MACROD2: variants seen among roughly 807,000 people sequenced by gnomAD.
MACROD2 encodes the protein mono-ADP ribosylhydrolase 2, also known as ADP-ribose glycohydrolase MACROD2.
In MACROD2, 36 loss-of-function variants were observed where a neutral mutation model predicts 70.4. The observed-to-expected ratio is 0.51, with a 90% CI of 0.39 to 0.68. The LOEUF is 0.68. MACROD2 is among the 30% of genes least tolerant of loss of function. MACROD2 has a pLI of 0.00. For missense variants in MACROD2, 496 were observed against 538.4 expected, an observed-to-expected ratio of 0.92 and a Z score of 0.78; for synonymous variants, 172 against 178.8, an observed-to-expected ratio of 0.96 and a Z score of 0.30.
At chr20:15,756,658 A>C (rs2051352433) in intron 8 of MACROD2, among the ~76,000 whole-genome samples, 1 of 152,190 alleles carries the variant, frequency 6.6e-6, no homozygotes, top group South Asian at 2.1e-4. Flanking sequence ...ATAACCAACA[A>C]CACCTGCTCC....
At chr20:15,854,980 TA>T (rs1418885337) in intron 8 of MACROD2, among the ~76,000 whole-genome samples, 2 of 152,238 alleles carry the variant, frequency 1.3e-5, no homozygotes, top group African/African-American at 4.8e-5. Flanking sequence ...GGCTGGGACT[TA>T]AGCCCAGCTG....
chr20:14,779,961 G>C (rs936664092), intron 5 of MACROD2, among the ~76,000 whole-genome samples: 1 of 152,102 alleles, frequency 6.6e-6, no homozygotes, highest in African/African-American at 2.4e-5. Flanking sequence ...GAGGATCTAA[G>C]TGAGTCCTCA....
At chr20:14,690,000 T>C (rs2071044107) in intron 5 of MACROD2, among the ~76,000 whole-genome samples, 1 of 144,634 alleles carries the variant, frequency 6.9e-6, no homozygotes, top group African/African-American at 2.5e-5. Context: ...ATTGTGTTTT[T>C]AAAAAACATA....
At chr20:14,579,838 T>G (rs1568681778) in intron 4 of MACROD2, among the ~76,000 whole-genome samples, 1 of 152,188 alleles carries the variant, frequency 6.6e-6, no homozygotes, top group Non-Finnish European at 1.5e-5. Context: ...GTATTGTTGA[T>G]TTAAGCTTGT....
chr20:14,472,550 T>G (rs1468166243), intron 3 of MACROD2, among the ~76,000 whole-genome samples: 3 of 152,206 alleles, frequency 2.0e-5, no homozygotes, highest in Non-Finnish European at 4.4e-5. Flanking sequence ...TAATCACTTT[T>G]CTTGGTAAGT....
intron 3 of MACROD2, among the ~76,000 whole-genome samples, chr20:14,454,747 CTCT>C (rs2084281031): frequency 2.2e-5 from 3 of 134,692 alleles, no homozygotes; most frequent in African/African-American, 5.6e-5. Flanking sequence ...TGTCTCTACA[CTCT>C]TTTTTTTTTT....
chr20:15,318,563 G>T (rs2077839585), intron 6 of MACROD2, among the ~76,000 whole-genome samples: 1 of 151,992 alleles, frequency 6.6e-6, no homozygotes, highest in Admixed American at 6.6e-5. Flanking sequence ...TATAGATGAA[G>T]AAATCCTCAA....
At chr20:14,280,209 T>C (rs566375323) in intron 3 of MACROD2, among the ~76,000 whole-genome samples, 144 of 152,200 alleles carry the variant, frequency 9.5e-4, no homozygotes, top group African/African-American at 3.3e-3. Flanking sequence ...TTTTTAAAAT[T>C]TGGAGAAATT....
At chr20:15,162,015 G>A (rs1004442251) in intron 5 of MACROD2, among the ~76,000 whole-genome samples, 4 of 149,500 alleles carry the variant, frequency 2.7e-5, no homozygotes, top group Admixed American at 2.0e-4. Context: ...ATGGCTTAAT[G>A]GGGTTAATTA....
intron 3 of MACROD2, among the ~76,000 whole-genome samples, chr20:14,299,049 G>A (rs912576089): frequency 2.0e-5 from 3 of 152,178 alleles, no homozygotes; most frequent in East Asian, 3.9e-4. Context: ...TAAAACAGTC[G>A]CAGGGTTTGA....
intron 3 of MACROD2, among the ~76,000 whole-genome samples, chr20:14,360,135 A>G (rs1337675446): frequency 1.3e-5 from 2 of 152,130 alleles, no homozygotes; most frequent in East Asian, 3.9e-4. Context: ...GCTGGGGGCT[A>G]GGTTGGTTCA....
intron 5 of MACROD2, among the ~76,000 whole-genome samples, chr20:14,829,461 T>G (rs1012499477): frequency 3.3e-5 from 5 of 151,896 alleles, no homozygotes; most frequent in Non-Finnish European, 7.4e-5. Flanking sequence ...ATCTCCAGGA[T>G]AGGGTTTCAT....
chr20:15,584,798 C>T (rs887724836), intron 8 of MACROD2, among the ~76,000 whole-genome samples: 6 of 152,172 alleles, frequency 3.9e-5, no homozygotes, highest in East Asian at 1.9e-4. Context: ...AAAATCATGA[C>T]GTTATTGTCT....
intron 4 of MACROD2, among the ~76,000 whole-genome samples, chr20:14,683,674 G>C (rs2070962720): frequency 6.6e-6 from 1 of 152,086 alleles, no homozygotes; most frequent in South Asian, 2.1e-4. Flanking sequence ...ACTTCCCTTA[G>C]TGCCAATAGC....
At chr20:15,468,428 A>G (rs1247806715) in intron 7 of MACROD2, among the ~76,000 whole-genome samples, 1 of 152,202 alleles carries the variant, frequency 6.6e-6, no homozygotes, top group Non-Finnish European at 1.5e-5. Context: ...TCATGCTCTG[A>G]TGATTTCACA....
chr20:15,507,179 G>C (rs556110160), intron 8 of MACROD2, among the ~76,000 whole-genome samples: 47 of 152,210 alleles, frequency 3.1e-4, no homozygotes, highest in Non-Finnish European at 6.2e-4. Flanking sequence ...CAAGAACACT[G>C]ATGACTTGCT....
intron 4 of MACROD2, among the ~76,000 whole-genome samples, chr20:14,529,989 C>A (rs6042781): frequency 0.21 from 31,879 of 151,944 alleles, 4,135 homozygotes; most frequent in African/African-American, 0.35. Context: ...AAGGTAGAGG[C>A]GGAGGGGAAG....
At chr20:14,798,555 C>T (rs1162091325) in intron 5 of MACROD2, among the ~76,000 whole-genome samples, 1 of 151,966 alleles carries the variant, frequency 6.6e-6, no homozygotes, top group Non-Finnish European at 1.5e-5. Flanking sequence ...TTGATGGAAC[C>T]TTAATGGTTG....
At chr20:14,626,041 G>T (rs564099551) in intron 4 of MACROD2, among the ~76,000 whole-genome samples, 18 of 152,222 alleles carry the variant, frequency 1.2e-4, no homozygotes, top group South Asian at 6.2e-4. Context: ...GATTAGGCTG[G>T]TCTCAAACTT....
Sources: gnomAD v4.1 joint callset for allele counts (sites outside exome capture counted in the v4.1 genomes callset) on GRCh38, gnomAD v4.1.1 for gene constraint, MANE v1.5 for transcripts, NCBI Gene and HGNC (gene_info 2026-07-23, HGNC 2026-07-21) for gene names.